Variants in ANKRD28 observed in about 807,000 individuals in gnomAD.
ANKRD28 encodes the protein ankyrin repeat domain 28.
ANKRD28 carries 44 observed loss-of-function variants against 126.5 expected under a neutral mutation model. The ratio of observed to expected loss-of-function variants is 0.35; its 90% CI spans 0.27 to 0.45. ANKRD28 has a LOEUF of 0.45. ANKRD28 is among the 20% of genes least tolerant of loss of function. The pLI, the probability that ANKRD28 is intolerant of heterozygous loss-of-function variation, is 1.00. For synonymous variants in ANKRD28, 442 were observed against 468.5 expected (o/e 0.94, Z 0.73); for missense variants, 1,110 against 1,316.6 (o/e 0.84, Z 2.43).
At chr3:15,674,313 G>A (rs1250081451) in intron 27 of ANKRD28, among the ~76,000 whole-genome samples, 2 of 152,078 alleles carry the variant, frequency 1.3e-5, no homozygotes, top group Non-Finnish European at 2.9e-5. Flanking sequence ...TTTAGAGGTG[G>A]AGTCAATAGT....
At position 15,854,204 on chromosome 3, in the gene ANKRD28, A is replaced by G. The variant is rs774438462; in HGVS notation, c.27+5173T>C. Among the ~76,000 whole-genome samples the G allele has an allele frequency of 7.2e-5, 11 of 152,210 alleles. No individual in the cohort carries two copies. Among genetic ancestry groups the G allele is most frequent in the Non-Finnish European group, 1.3e-4 (9 of 68,040 alleles). On this transcript the variant is annotated intron_variant, in intron 1 of 27. Coordinates refer to the ANKRD28 transcript ENST00000399451. The surrounding 1 kb of genome is among the most constrained non-coding windows in gnomAD (Gnocchi z 4.1). ...CAAACGTCCCATCACTTACCAATGA[A>G]GTCCAAACTTCTCAGCCTGGGATTC...
In ANKRD28 at chr3:15,736,155, A is replaced by C. The variant is rs528588932; in HGVS notation, c.553-658T>G. ...TTACCTGCTGTCAACCATAGTCTGAAAACAGGTGACTACACTACAGTTACA... is the reference window on the plus strand; with the variant it reads ...TTACCTGCTGTCAACCATAGTCTGACAACAGGTGACTACACTACAGTTACA... On this transcript the variant is annotated intron_variant, in intron 5 of 27. Transcript: ENST00000683139. 2.6e-5 allele frequency among the ~76,000 whole-genome samples: 4 copies of C among 152,312 alleles called. 1 individual carries two copies. Among genetic ancestry groups the C allele is most frequent in the African/African-American group, 9.6e-5 (4 of 41,570 alleles).
At chr3:15,689,956 C>A in intron 18 of ANKRD28, 63 bp downstream of exon 18, 4 of 1,351,990 alleles carry the variant, frequency 3.0e-6, no homozygotes, top group Admixed American at 2.7e-5. Flanking sequence ...TATTATATAT[C>A]AGAAATTGAA....
At position 15,737,247 on chromosome 3, in the gene ANKRD28, A is replaced by G. The variant is rs765557450; in HGVS notation, c.352-14T>C. On this transcript the variant is annotated splice_polypyrimidine_tract_variant and intron_variant, in intron 4 of 27. Coordinates refer to ENST00000683139, the MANE Select transcript of ANKRD28 (RefSeq NM_001349278.2). ...CTGAACTGCTTCCTAAAACATATGA[A>G]AAGTTATAAAAGACAAATGAGTTAA... 6.2e-7 allele frequency: 1 copy of G among 1,603,548 alleles called. No individual in the cohort carries two copies. The highest frequency in any genetic ancestry group is 1.1e-5 in the South Asian group (1 of 90,094).
chr3:15,795,133 T>C, intron 2 of ANKRD28, 90 bp downstream of exon 2: 3 of 911,502 alleles, frequency 3.3e-6, no homozygotes, highest in Non-Finnish European at 1.8e-6. Flanking sequence ...TACAGAGTTA[T>C]ATTATGTCTT....
chr3:15,801,939 G>T (rs1262910308), upstream of ANKRD28, among the ~76,000 whole-genome samples: 1 of 152,124 alleles, frequency 6.6e-6, no homozygotes, highest in African/African-American at 2.4e-5. This position sits in a 1 kb window ranked among gnomAD's most constrained non-coding sequence, Gnocchi z 4.9. Flanking sequence ...CGTTACATTC[G>T]TAATAATAAA....
chr3:15,822,083 C>G (rs577407442), intron 1 of ANKRD28, among the ~76,000 whole-genome samples: 2 of 152,286 alleles, frequency 1.3e-5, no homozygotes, highest in East Asian at 3.9e-4. Flanking sequence ...TAATAGAAAA[C>G]CTAGAGGCCA....
chr3:15,733,808 A>G (rs2074824939), intron 6 of ANKRD28, among the ~76,000 whole-genome samples: 2 of 152,186 alleles, frequency 1.3e-5, no homozygotes, highest in Admixed American at 1.3e-4. Context: ...CTGGAATTGA[A>G]TAAAGATTTT....
chr3:15,855,370 T>C (rs2061743516), intron 1 of ANKRD28, among the ~76,000 whole-genome samples: 1 of 151,790 alleles, frequency 6.6e-6, no homozygotes, highest in South Asian at 2.1e-4. Context: ...ACCCAACACC[T>C]TAAACATATC....
rs1458709221 is a variant in ANKRD28, at chr3:15,845,345, C to G, written c.27+14032G>C. ...ATATATATTCCATATTACATTTATC[C>G]CTCTTGACTAGCTTCTCAATTGGGA... On this transcript the variant is annotated intron_variant, in intron 1 of 27. Transcript: ENST00000399451. The surrounding 1 kb of genome is among the most constrained non-coding windows in gnomAD (Gnocchi z 4.9). Among the ~76,000 whole-genome samples, 1 of 151,596 alleles carries G rather than the reference C, an allele frequency of 6.6e-6. No individual in the cohort carries two copies. Among genetic ancestry groups the G allele is most frequent in the African/African-American group, 2.4e-5 (1 of 41,198 alleles).
chr3:15,706,605 A>G (rs2071466078), intron 14 of ANKRD28, among the ~76,000 whole-genome samples: 4 of 152,170 alleles, frequency 2.6e-5, no homozygotes, highest in Admixed American at 2.6e-4. Context: ...GTATATACCC[A>G]GTAATGGGAT....
At chr3:15,752,556 C>T (rs939055592) in intron 3 of ANKRD28, among the ~76,000 whole-genome samples, 3 of 152,094 alleles carry the variant, frequency 2.0e-5, no homozygotes, top group Non-Finnish European at 4.4e-5. Context: ...CAAATAAAAG[C>T]AGCACATGCA....
chr3:15,798,938 C>T (rs940764905), upstream of ANKRD28, among the ~76,000 whole-genome samples: 39 of 152,054 alleles, frequency 2.6e-4, no homozygotes, highest in Non-Finnish European at 5.3e-4. Flanking sequence ...CTGTGATATG[C>T]TATGTGCTGT....
chr3:15,771,615 T>A (rs1469808992), intron 2 of ANKRD28, among the ~76,000 whole-genome samples: 3 of 152,144 alleles, frequency 2.0e-5, no homozygotes. Context: ...CATTTACTGC[T>A]GGGAAGGCAC....
At chr3:15,761,529 C>T (rs2058457491) in intron 3 of ANKRD28, among the ~76,000 whole-genome samples, 1 of 152,102 alleles carries the variant, frequency 6.6e-6, no homozygotes, top group South Asian at 2.1e-4. Context: ...CCTCAGCAAC[C>T]ATGGCATTCA....
rs1300481335 is a variant in ANKRD28 at position 15,814,697 on chromosome 3, A to G, written c.28-19391T>C. 6.6e-6 allele frequency among the ~76,000 whole-genome samples: 1 copy of G among 152,014 alleles called. No individual in the cohort carries two copies. The highest frequency in any genetic ancestry group is 2.4e-5 in the African/African-American group (1 of 41,424). ...TCACTAATAATATATTCAGTTACTTACTAATCAGCAATTATTTACCCATGG... is the reference window on the plus strand; with the variant it reads ...TCACTAATAATATATTCAGTTACTTGCTAATCAGCAATTATTTACCCATGG... On this transcript the variant is annotated intron_variant, in intron 1 of 27. Coordinates refer to the ANKRD28 transcript ENST00000399451. The surrounding 1 kb of genome is among the most constrained non-coding windows in gnomAD (Gnocchi z 4.7).
At chr3:15,736,041 A>C (rs1277695036) in intron 5 of ANKRD28, among the ~76,000 whole-genome samples, 1 of 152,228 alleles carries the variant, frequency 6.6e-6, no homozygotes, top group Non-Finnish European at 1.5e-5. Flanking sequence ...TGTAACCTTA[A>C]CTGCAGTAGA....
chr3:15,749,101 G>GTTTTTTTTTTTTT (rs869266246), intron 4 of ANKRD28, among the ~76,000 whole-genome samples: 3 of 53,054 alleles, frequency 5.7e-5, no homozygotes, highest in South Asian at 7.4e-4. Flanking sequence ...TTATGTTTTT[G>GTTTTTTTTTTTTT]TTTTTTTTTT....
At chr3:15,762,188 TAA>T (rs1163421626) in intron 3 of ANKRD28, among the ~76,000 whole-genome samples, 2 of 64,980 alleles carry the variant, frequency 3.1e-5, no homozygotes, top group African/African-American at 1.2e-4. Context: ...ACTATGTCTT[TAA>T]AAAAAAAAAA....
Sources: allele counts gnomAD v4.1 joint callset (sites outside exome capture counted in the v4.1 genomes callset), GRCh38; gene constraint gnomAD v4.1.1; non-coding constraint Gnocchi (gnomAD v3.1); transcripts MANE v1.5; gene names NCBI Gene and HGNC (gene_info 2026-07-23, HGNC 2026-07-21).